Variants in TAFA1 observed in about 807,000 individuals in gnomAD.
TAFA1 encodes the protein TAFA chemokine like family member 1.
Under a neutral mutation model 18.5 loss-of-function variants are expected in TAFA1, and 4 were observed. The observed-to-expected ratio is 0.22, with a 90% CI of 0.11 to 0.49. The LOEUF (loss-of-function observed/expected upper bound fraction) is 0.49, where lower values mean the gene tolerates loss of function less well. Ranked by LOEUF, TAFA1 falls within the 20% of genes least tolerant of loss-of-function variation. TAFA1 has a pLI of 0.98. For synonymous variants in TAFA1, 56 were observed against 55.2 expected (o/e 1.01, Z -0.06); for missense variants, 147 against 169.0 (o/e 0.87, Z 0.72).
At chr3:68,424,247 A>G (rs1167413852) in intron 3 of TAFA1, among the ~76,000 whole-genome samples, 1 of 151,984 alleles carries the variant, frequency 6.6e-6, no homozygotes, top group African/African-American at 2.4e-5. Context: ...TCGACCCAGG[A>G]AAACAGACTG....
intron 2 of TAFA1, among the ~76,000 whole-genome samples, chr3:68,215,129 C>A (rs1013078617): frequency 6.6e-6 from 1 of 151,972 alleles, no homozygotes; most frequent in South Asian, 2.1e-4. Context: ...TAACTGAAAT[C>A]AAAACCTGAC....
At position 68,312,026 on chromosome 3, in the gene TAFA1, A is replaced by C. The variant is rs964379893; in HGVS notation, c.119-105254A>C. ...ACTTCTGTGCCCTGACAGGCTCAAC[A>C]CCGTGTGGAAGCTGCCAAGGCTTGC... On this transcript the variant is annotated intron_variant, in intron 2 of 4. Coordinates refer to ENST00000478136, the MANE Select transcript of TAFA1 (RefSeq NM_213609.4). Among the ~76,000 whole-genome samples, 7 of 152,280 alleles carry C rather than the reference A, an allele frequency of 4.6e-5. No individual in the cohort carries two copies. The Middle Eastern group carries it at 0.01, about 222-fold the overall frequency.
intron 2 of TAFA1, among the ~76,000 whole-genome samples, chr3:68,374,651 T>A (rs1277819073): frequency 1.3e-5 from 2 of 152,116 alleles, no homozygotes; most frequent in Non-Finnish European, 2.9e-5. Context: ...TATAACCCCA[T>A]CCCATGTATT....
chr3:68,441,963 G>T (rs1435405621), intron 3 of TAFA1, among the ~76,000 whole-genome samples: 1 of 152,098 alleles, frequency 6.6e-6, no homozygotes, highest in Non-Finnish European at 1.5e-5. Context: ...AGGATAAATG[G>T]CCAGATGTGT....
At chr3:68,312,130 G>A (rs964389793) in intron 2 of TAFA1, among the ~76,000 whole-genome samples, 1 of 152,202 alleles carries the variant, frequency 6.6e-6, no homozygotes, top group South Asian at 2.1e-4. Flanking sequence ...GTGATGCACG[G>A]CATCAAGTCC....
intron 2 of TAFA1, among the ~76,000 whole-genome samples, chr3:68,310,855 G>T (rs72626953): frequency 0.026 from 3,943 of 152,098 alleles, 90 homozygotes; most frequent in East Asian, 0.098. Flanking sequence ...TTTATTCAGA[G>T]AATTTTTTTT....
At chr3:68,016,918 T>G (rs1704581335) in intron 2 of TAFA1, among the ~76,000 whole-genome samples, 1 of 152,198 alleles carries the variant, frequency 6.6e-6, no homozygotes, top group South Asian at 2.1e-4. Flanking sequence ...CATACAAATT[T>G]TCTTCTAAGT....
At chr3:68,282,503 G>C (rs974172480) in intron 2 of TAFA1, among the ~76,000 whole-genome samples, 4 of 152,062 alleles carry the variant, frequency 2.6e-5, no homozygotes, top group Admixed American at 2.6e-4. Flanking sequence ...AGCTTTCAAG[G>C]TTCCCCAGGC....
rs548704240 is a variant in TAFA1 at position 68,070,997 on chromosome 3, C to G, written c.118+64253C>G. 1.2e-4 allele frequency among the ~76,000 whole-genome samples: 18 copies of G among 152,300 alleles called. No individual in the cohort carries two copies. In the East Asian group the frequency reaches 3.5e-3, roughly 29 times the overall value. Reference sequence around the variant, plus strand: ...CCACATTTTCTTGTCTTCTTCTGACCCCTCTGAACTGTTCCAACCTCTGTT... The same window carrying G: ...CCACATTTTCTTGTCTTCTTCTGACGCCTCTGAACTGTTCCAACCTCTGTT... On this transcript the variant is annotated intron_variant, in intron 2 of 4. Coordinates refer to ENST00000478136, the MANE Select transcript of TAFA1 (RefSeq NM_213609.4).
rs144991600 is a variant in TAFA1 at position 68,465,382 on chromosome 3, C to A, written c.259+47962C>A. Among the ~76,000 whole-genome samples the A allele has an allele frequency of 3.1e-3, 474 of 152,242 alleles. 3 individuals carry two copies. Among genetic ancestry groups the A allele is most frequent in the African/African-American group, 0.011 (446 of 41,536 alleles). Reference sequence around the variant, plus strand: ...TATATAACCATCTATGACTAGACAGCTGTAGGTGTCTAAAGAGTATAAGTC... The same window carrying A: ...TATATAACCATCTATGACTAGACAGATGTAGGTGTCTAAAGAGTATAAGTC... On this transcript the variant is annotated intron_variant, in intron 3 of 4. Coordinates refer to ENST00000478136, the MANE Select transcript of TAFA1 (RefSeq NM_213609.4).
intron 2 of TAFA1, among the ~76,000 whole-genome samples, chr3:68,354,285 C>T (rs1312165942): frequency 1.3e-5 from 2 of 151,936 alleles, no homozygotes; most frequent in South Asian, 2.1e-4. Flanking sequence ...GGATTTCACA[C>T]TTCCTTTGAA....
chr3:68,329,282 G>T (rs1390442013), intron 2 of TAFA1, among the ~76,000 whole-genome samples: 1 of 139,496 alleles, frequency 7.2e-6, no homozygotes, highest in African/African-American at 2.7e-5. Flanking sequence ...TAGTCAGGCT[G>T]GCCTCGAACT....
intron 3 of TAFA1, among the ~76,000 whole-genome samples, chr3:68,490,711 G>C (rs2136714): frequency 6.6e-5 from 10 of 151,790 alleles, no homozygotes; most frequent in African/African-American, 2.4e-4. Context: ...TAACATGTGA[G>C]GTTTATTGTT....
At chr3:68,491,532 G>A (rs2072453447) in intron 3 of TAFA1, among the ~76,000 whole-genome samples, 1 of 112,018 alleles carries the variant, frequency 8.9e-6, no homozygotes, top group Non-Finnish European at 1.7e-5. Flanking sequence ...ACACTCTGGG[G>A]ACTGTTGTGG....
At chr3:68,129,046 C>A (rs1166750286) in intron 2 of TAFA1, among the ~76,000 whole-genome samples, 1 of 152,152 alleles carries the variant, frequency 6.6e-6, no homozygotes, top group Non-Finnish European at 1.5e-5. Context: ...TAGGGGCTCC[C>A]CATTTGTCAG....
chr3:68,522,949 A>G (rs1297821596), intron 3 of TAFA1, among the ~76,000 whole-genome samples: 8 of 149,488 alleles, frequency 5.4e-5, no homozygotes, highest in Non-Finnish European at 1.2e-4. Context: ...GGTGGTGTGC[A>G]CCTGTGATCT....
At chr3:68,098,103 G>A (rs187537930) in intron 2 of TAFA1, among the ~76,000 whole-genome samples, 2 of 152,206 alleles carry the variant, frequency 1.3e-5, no homozygotes, top group East Asian at 3.9e-4. Context: ...AACCTGTTGT[G>A]GTCTCACTGT....
At chr3:67,999,241 GCTCT>G in the TAFA1 span, among the ~76,000 whole-genome samples, 3 of 114,572 alleles carry the variant, frequency 2.6e-5, no homozygotes, top group Non-Finnish European at 5.5e-5. Context: ...CTTGAATAGT[GCTCT>G]CTCTCTCTCT....
At chr3:68,331,148 A>G (rs1466444952) in intron 2 of TAFA1, among the ~76,000 whole-genome samples, 1 of 152,230 alleles carries the variant, frequency 6.6e-6, no homozygotes, top group Non-Finnish European at 1.5e-5. Flanking sequence ...ACATGGAAGA[A>G]CCTAAAATTC....
Sources: allele counts gnomAD v4.1 joint callset (sites outside exome capture counted in the v4.1 genomes callset), GRCh38; gene constraint gnomAD v4.1.1; transcripts MANE v1.5; gene names NCBI Gene and HGNC (gene_info 2026-07-23, HGNC 2026-07-21).